The following SH3BGRL2 variants were observed in gnomAD, a reference collection of about 807,000 sequenced individuals.
SH3BGRL2 encodes SH3 domain binding glutamate rich protein like 2, also known as SH3 domain-binding glutamic acid-rich-like protein 2.
Under a neutral mutation model 14.8 loss-of-function variants are expected in SH3BGRL2, and 21 were observed. The ratio of observed to expected loss-of-function variants is 1.42; its 90% CI spans 1.01 to 2.05. SH3BGRL2 has a LOEUF of 2.05. Ranked by LOEUF, SH3BGRL2 falls within the 30% of genes most tolerant of loss-of-function variation. SH3BGRL2 has a pLI of 0.00. For missense variants in SH3BGRL2, 147 were observed against 130.8 expected, an observed-to-expected ratio of 1.12 and a Z score of -0.61; for synonymous variants, 50 against 47.8, an observed-to-expected ratio of 1.05 and a Z score of -0.19.
At chr6:79,546,827 G>A in the SH3BGRL2 span, among the ~76,000 whole-genome samples, 39 of 151,746 alleles carry the variant, frequency 2.6e-4, no homozygotes, top group East Asian at 4.5e-3. Flanking sequence ...TTACAGATGC[G>A]CGCCACCATG....
At chr6:79,578,406 C>T in the SH3BGRL2 span, among the ~76,000 whole-genome samples, 2 of 152,160 alleles carry the variant, frequency 1.3e-5, no homozygotes, top group East Asian at 1.9e-4. Flanking sequence ...GGTGGAGGCC[C>T]CTCTGGGACA....
At chr6:79,655,290 A>G (rs1051696972) in intron 1 of SH3BGRL2, among the ~76,000 whole-genome samples, 1 of 152,140 alleles carries the variant, frequency 6.6e-6, no homozygotes, top group Admixed American at 6.6e-5. Flanking sequence ...TGGTTCCCCT[A>G]AACTACTTTT....
chr6:79,598,880 C>T, the SH3BGRL2 span, among the ~76,000 whole-genome samples: 13 of 151,912 alleles, frequency 8.6e-5, no homozygotes, highest in Admixed American at 7.9e-4. Context: ...GTCGGGAGTT[C>T]AAGACCAGCC....
rs1370982109 is a variant in SH3BGRL2 at position 79,673,816 on chromosome 6, T to G, written c.231+17T>G. On this transcript the variant is annotated intron_variant, in intron 2 of 3. Coordinates refer to ENST00000369838, the MANE Select transcript of SH3BGRL2 (RefSeq NM_031469.4). ...TACTGTGGAGTAAGTGGCTAGACTGTTATCATGCTGTTTCTTTTTATTGTT... is the reference window on the plus strand; with the variant it reads ...TACTGTGGAGTAAGTGGCTAGACTGGTATCATGCTGTTTCTTTTTATTGTT... The G allele has an allele frequency of 6.2e-7, 1 of 1,605,230 alleles. No individual in the cohort carries two copies. The highest frequency in any genetic ancestry group is 8.5e-7 in the Non-Finnish European group (1 of 1,175,356).
the SH3BGRL2 span, among the ~76,000 whole-genome samples, chr6:79,594,090 T>C: frequency 6.6e-6 from 1 of 151,622 alleles, no homozygotes; most frequent in Non-Finnish European, 1.5e-5. Context: ...TAAAATAATG[T>C]TTAATGTATT....
chr6:79,631,228 T>G (rs1283072832), upstream of SH3BGRL2: 2 of 400,084 alleles, frequency 5.0e-6, no homozygotes, highest in Non-Finnish European at 8.8e-6. Context: ...ACAAATCCCA[T>G]CAAGCCCCGC....
the SH3BGRL2 span, among the ~76,000 whole-genome samples, chr6:79,558,981 C>T: frequency 6.6e-6 from 1 of 152,122 alleles, no homozygotes; most frequent in East Asian, 1.9e-4. Context: ...AGAAGCCAGG[C>T]TGAGGGGAAC....
intron 1 of SH3BGRL2, among the ~76,000 whole-genome samples, chr6:79,635,295 T>G (rs994292411): frequency 2.0e-5 from 3 of 152,226 alleles, no homozygotes; most frequent in African/African-American, 7.2e-5. Context: ...CCACCTAATT[T>G]TTTGGAAAAG....
chr6:79,691,476 G>A (rs1770213790), intron 2 of SH3BGRL2, among the ~76,000 whole-genome samples: 1 of 147,264 alleles, frequency 6.8e-6, no homozygotes, highest in African/African-American at 2.5e-5. Flanking sequence ...TTTAGCATTA[G>A]GTATATCTCC....
chr6:79,618,922 A>AAAAAAAAAAAAAAAAAAG, the SH3BGRL2 span, among the ~76,000 whole-genome samples: 2 of 150,260 alleles, frequency 1.3e-5, no homozygotes, highest in Non-Finnish European at 3.0e-5. Flanking sequence ...GTCAAAAAAA[A>AAAAAAAAAAAAAAAAAAG]AAAAGATAAA....
At position 79,696,473 on chromosome 6, in the gene SH3BGRL2, CT is replaced by C. The variant is rs747680454; in HGVS notation, c.232-5del. The C allele has an allele frequency of 7.0e-6, 11 of 1,561,112 alleles. No homozygotes were observed. Among genetic ancestry groups the C allele is most frequent in the African/African-American group, 2.8e-5 (2 of 71,384 alleles). On this transcript the variant is annotated splice_polypyrimidine_tract_variant and intron_variant, in intron 2 of 3. Transcript: ENST00000369838. Reference sequence around the variant, plus strand: ...TTTTGTTGGTTTATTTTCTGCTTCCCTTTTTTTCTAGGATTATGACAGTTTT... The same window carrying C: ...TTTTGTTGGTTTATTTTCTGCTTCCCTTTTTTCTAGGATTATGACAGTTTT...
chr6:79,589,731 A>G, the SH3BGRL2 span, among the ~76,000 whole-genome samples: 1 of 152,162 alleles, frequency 6.6e-6, no homozygotes, highest in Non-Finnish European at 1.5e-5. Flanking sequence ...GTGGAATAAA[A>G]AAAACTACAA....
chr6:79,679,890 G>GT (rs1769956770), intron 2 of SH3BGRL2, among the ~76,000 whole-genome samples: 1 of 152,054 alleles, frequency 6.6e-6, no homozygotes, highest in African/African-American at 2.4e-5. Flanking sequence ...CTTGGAAGAC[G>GT]TATCTATTCA....
At chr6:79,595,710 T>C in the SH3BGRL2 span, among the ~76,000 whole-genome samples, 1 of 152,236 alleles carries the variant, frequency 6.6e-6, no homozygotes, top group African/African-American at 2.4e-5. Context: ...AGAACAGCTT[T>C]TGTCATACTT....
chr6:79,643,333 G>T (rs971563213), intron 1 of SH3BGRL2, among the ~76,000 whole-genome samples: 1 of 152,114 alleles, frequency 6.6e-6, no homozygotes, highest in African/African-American at 2.4e-5. Flanking sequence ...GTGAGAACCT[G>T]GGTTGTGCTA....
Position 79,660,544 on chromosome 6 carries a change from T to C in SH3BGRL2, c.46-13070T>C, listed in dbSNP as rs532711274. Among the ~76,000 whole-genome samples the C allele has an allele frequency of 4.6e-5, 7 of 152,310 alleles. No homozygotes were observed. The South Asian group carries it at 1.4e-3, about 32-fold the overall frequency. Reference sequence around the variant, plus strand: ...TGTGCTGCTGGATTCAGTTTCCCAGTATTTTATTGAGGATTTTTGCATCGA... The same window carrying C: ...TGTGCTGCTGGATTCAGTTTCCCAGCATTTTATTGAGGATTTTTGCATCGA... On this transcript the variant is annotated intron_variant, in intron 1 of 3. Coordinates refer to ENST00000369838, the MANE Select transcript of SH3BGRL2 (RefSeq NM_031469.4).
the SH3BGRL2 span, among the ~76,000 whole-genome samples, chr6:79,550,019 T>G: frequency 6.6e-6 from 1 of 152,138 alleles, no homozygotes; most frequent in Non-Finnish European, 1.5e-5. Context: ...GCTAAAATCT[T>G]AATAGTGATT....
the SH3BGRL2 span, among the ~76,000 whole-genome samples, chr6:79,539,287 T>G: frequency 6.6e-6 from 1 of 152,236 alleles, no homozygotes; most frequent in Admixed American, 6.5e-5. Context: ...TGGTTTTATA[T>G]ATTATTTTTG....
At chr6:79,565,162 T>A in the SH3BGRL2 span, among the ~76,000 whole-genome samples, 2 of 152,136 alleles carry the variant, frequency 1.3e-5, no homozygotes, top group South Asian at 2.1e-4. Flanking sequence ...AGAACATAGG[T>A]CACATAAATT....
Sources: allele counts gnomAD v4.1 joint callset (sites outside exome capture counted in the v4.1 genomes callset), GRCh38; gene constraint gnomAD v4.1.1; transcripts MANE v1.5; gene names NCBI Gene and HGNC (gene_info 2026-07-23, HGNC 2026-07-21).